TRIP12: variants seen among roughly 807,000 people sequenced by gnomAD.
The protein encoded by TRIP12 is E3 ubiquitin-protein ligase TRIP12.
In TRIP12, 25 loss-of-function variants were observed where a neutral mutation model predicts 244.2. The ratio of observed to expected loss-of-function variants is 0.10; its 90% CI spans 0.07 to 0.14. TRIP12 has a LOEUF of 0.14. TRIP12 is among the 10% of genes least tolerant of loss of function. The pLI is 1.00. For synonymous variants in TRIP12, 905 were observed against 873.1 expected (o/e 1.04, Z -0.64); for missense variants, 1,677 against 2,486.4 (o/e 0.67, Z 6.92).
chr2:229,909,750 G>A (rs1408057957), intron 1 of TRIP12, among the ~76,000 whole-genome samples: 3 of 151,998 alleles, frequency 2.0e-5, no homozygotes, highest in Non-Finnish European at 4.4e-5. Flanking sequence ...CTACTCAGGA[G>A]GTGAAGGCAG....
upstream of TRIP12, chr2:229,922,508 C>A (rs760244630): frequency 6.2e-7 from 1 of 1,614,024 alleles, no homozygotes; most frequent in Non-Finnish European, 8.5e-7. Context: ...GCGGTGGCGT[C>A]CCAAGATGGC....
intron 2 of TRIP12, among the ~76,000 whole-genome samples, chr2:229,879,542 A>G (rs934420340): frequency 6.6e-6 from 1 of 152,244 alleles, no homozygotes; most frequent in Admixed American, 6.5e-5. Flanking sequence ...GTTAATATCT[A>G]TGCTGTCAAA....
chr2:229,792,131 T>C (rs781229612), intron 28 of TRIP12, 22 bp downstream of exon 28: 9 of 1,614,070 alleles, frequency 5.6e-6, no homozygotes, highest in Middle Eastern at 1.6e-4. Context: ...ACATTATACA[T>C]GGTGGGAATA....
chr2:229,862,620 T>C (rs949135858), intron 2 of TRIP12, among the ~76,000 whole-genome samples: 2 of 152,202 alleles, frequency 1.3e-5, no homozygotes, highest in East Asian at 3.8e-4. Context: ...CTAGACAACT[T>C]TGTGAAAAAT....
intron 8 of TRIP12, among the ~76,000 whole-genome samples, chr2:229,827,212 G>T (rs908522472): frequency 6.6e-6 from 1 of 151,690 alleles, no homozygotes; most frequent in African/African-American, 2.4e-5. Flanking sequence ...CCTGGGAGGA[G>T]TAGGTTGCAG....
At position 229,890,125 on chromosome 2, in the gene TRIP12, G is replaced by T. The variant is rs185131670; in HGVS notation, c.-49-9997C>A. Among the ~76,000 whole-genome samples, 1,273 of 147,998 alleles carry T rather than the reference G, an allele frequency of 8.6e-3. 15 individuals carry two copies. Among genetic ancestry groups the T allele is most frequent in the African/African-American group, 0.03 (1,202 of 40,122 alleles). ...GATGGAGTCTTGTTCTGTCGCCCAG[G>T]CTGGAGTGCAATGGCGCAGTCTAGG... On this transcript the variant is annotated intron_variant, in intron 1 of 41. Transcript: ENST00000675903.
At chr2:229,768,583 A>AGAAT in intron 41 of TRIP12, 33 bp downstream of exon 41, 2 of 1,597,146 alleles carry the variant, frequency 1.3e-6, no homozygotes, top group South Asian at 2.3e-5. Flanking sequence ...ACCCATAGGT[A>AGAAT]GAATAAATGC....
intron 4 of TRIP12, among the ~76,000 whole-genome samples, chr2:229,842,974 T>C (rs541668252): frequency 1.6e-3 from 251 of 152,254 alleles, no homozygotes; most frequent in African/African-American, 5.9e-3. Flanking sequence ...AGCATCACCA[T>C]TAAGACACAA....
At chr2:229,919,414 T>TA (rs66542643) in intron 1 of TRIP12, among the ~76,000 whole-genome samples, 37,439 of 146,388 alleles carry the variant, frequency 0.26, 5,623 homozygotes, top group Middle Eastern at 0.43. Context: ...GATTCTGCTT[T>TA]AAAAAAAAAA....
intron 37 of TRIP12, 148 bp downstream of exon 37, chr2:229,777,167 A>T: frequency 1.2e-6 from 1 of 833,470 alleles, no homozygotes; most frequent in Non-Finnish European, 1.8e-6. Context: ...CTGTGAAATC[A>T]TATGTCTTAG....
At chr2:229,827,359 T>C (rs1048862976) in intron 8 of TRIP12, among the ~76,000 whole-genome samples, 1 of 152,106 alleles carries the variant, frequency 6.6e-6, no homozygotes, top group African/African-American at 2.4e-5. Context: ...TTGTTAACTA[T>C]TTTGTAGTAT....
At chr2:229,832,134 T>C (rs373602408) in intron 6 of TRIP12, among the ~76,000 whole-genome samples, 12 of 152,346 alleles carry the variant, frequency 7.9e-5, no homozygotes, top group African/African-American at 2.9e-4. Flanking sequence ...ATTAAGTATT[T>C]TCTATGTAAC....
At chr2:229,772,713 T>G (rs1003039746) in intron 38 of TRIP12, among the ~76,000 whole-genome samples, 2 of 152,050 alleles carry the variant, frequency 1.3e-5, no homozygotes, top group African/African-American at 4.8e-5. Context: ...CCGCCCGCCT[T>G]GGCCTCCAAA....
At chr2:229,784,317 G>C (rs1051252182) in intron 34 of TRIP12, among the ~76,000 whole-genome samples, 2 of 150,986 alleles carry the variant, frequency 1.3e-5, no homozygotes, top group Non-Finnish European at 2.9e-5. Context: ...CTTTTCAGCA[G>C]ATAGTGCAAA....
At chr2:229,826,153 AATT>A (rs2051519474) in intron 8 of TRIP12, among the ~76,000 whole-genome samples, 1 of 152,192 alleles carries the variant, frequency 6.6e-6, no homozygotes, top group African/African-American at 2.4e-5. Context: ...ATTTCTACTA[AATT>A]ATTAATACTT....
In TRIP12 at chr2:229,764,702, T is replaced by C. The variant is rs991678291; in HGVS notation, c.*2852A>G. ...TTCTTGGATACTGAAGTTGGTGCTC[T>C]GTCCCTTGGCCTTCTGTGGTAGGAT... On this transcript the variant is annotated 3_prime_UTR_variant, in exon 42 of 42. Transcript: ENST00000675903. 2 of 152,258 alleles carry C rather than the reference T, an allele frequency of 1.3e-5. No individual in the cohort carries two copies. Among genetic ancestry groups the C allele is most frequent in the African/African-American group, 4.8e-5 (2 of 41,464 alleles). 9.4% of individuals were successfully genotyped at this position (152,258 alleles called of 1,614,324 possible).
chr2:229,796,858 A>G (rs1380251825), intron 24 of TRIP12, 76 bp from the exon 25 acceptor site: 4 of 1,314,384 alleles, frequency 3.0e-6, no homozygotes, highest in African/African-American at 1.5e-5. Flanking sequence ...ATATCCTCAA[A>G]AGGAAATGAA....
intron 4 of TRIP12, among the ~76,000 whole-genome samples, chr2:229,843,130 G>C (rs1384050656): frequency 1.6e-5 from 2 of 122,058 alleles, no homozygotes; most frequent in Non-Finnish European, 3.2e-5. Flanking sequence ...CCCTTTCCCA[G>C]GCTCTGTAAT....
At chr2:229,874,229 G>C (rs1401668774) in intron 2 of TRIP12, among the ~76,000 whole-genome samples, 1 of 152,000 alleles carries the variant, frequency 6.6e-6, no homozygotes, top group African/African-American at 2.4e-5. Context: ...ACGAAGAAAT[G>C]CTAACTTTAA....
Sources: allele counts gnomAD v4.1 joint callset (sites outside exome capture counted in the v4.1 genomes callset), GRCh38; gene constraint gnomAD v4.1.1; transcripts MANE v1.5; gene names NCBI Gene and HGNC (gene_info 2026-07-23, HGNC 2026-07-21).